The following SMAD2 variants were observed in gnomAD, a reference collection of about 807,000 sequenced individuals.
SMAD2 encodes the protein MAD homolog 2.
Under a neutral mutation model 64.4 loss-of-function variants are expected in SMAD2, and 8 were observed. The observed-to-expected ratio is 0.12, with a 90% CI of 0.07 to 0.22. The LOEUF is 0.22. SMAD2 is among the 10% of genes least tolerant of loss of function. The pLI, the probability that SMAD2 is intolerant of heterozygous loss-of-function variation, is 1.00. For missense variants in SMAD2, 289 were observed against 561.2 expected (o/e 0.51, Z 4.90); for synonymous variants, 203 against 195.8 (o/e 1.04, Z -0.31).
At chr18:47,921,192 T>C (rs1305915052) in intron 1 of SMAD2, among the ~76,000 whole-genome samples, 3 of 152,002 alleles carry the variant, frequency 2.0e-5, no homozygotes, top group Non-Finnish European at 4.4e-5. Context: ...CAAAAGAATA[T>C]TATACAACCC....
intron 8 of SMAD2, among the ~76,000 whole-genome samples, chr18:47,846,250 T>C (rs1914478491): frequency 6.6e-6 from 1 of 152,148 alleles, no homozygotes; most frequent in African/African-American, 2.4e-5. Flanking sequence ...CTATATATTA[T>C]GGTGGAAACC....
At chr18:47,900,494 C>G (rs1016702761) in intron 1 of SMAD2, among the ~76,000 whole-genome samples, 3 of 152,114 alleles carry the variant, frequency 2.0e-5, no homozygotes, top group African/African-American at 7.2e-5. Flanking sequence ...TGTTCTCTCT[C>G]CCCCTCCCCA....
chr18:47,910,598 C>G (rs2034089383), intron 1 of SMAD2, among the ~76,000 whole-genome samples: 2 of 152,174 alleles, frequency 1.3e-5, no homozygotes, highest in Non-Finnish European at 2.9e-5. Flanking sequence ...TCTGCCTCTT[C>G]TACCTGTGAG....
At chr18:47,852,206 T>C (rs969271114) in intron 6 of SMAD2, among the ~76,000 whole-genome samples, 1 of 152,176 alleles carries the variant, frequency 6.6e-6, no homozygotes, top group African/African-American at 2.4e-5. Context: ...AGTCTTCTTA[T>C]GGTATGAGCT....
chr18:47,886,528 G>A (rs904483859), intron 2 of SMAD2, among the ~76,000 whole-genome samples: 3 of 151,754 alleles, frequency 2.0e-5, no homozygotes, highest in Non-Finnish European at 2.9e-5. Context: ...CCCAAACCCC[G>A]TTGTCCTAGC....
rs1373682995 is a variant in SMAD2, at chr18:47,835,504, G to C, written c.*6323C>G. The C allele has an allele frequency of 5.1e-6, 1 of 195,690 alleles. No individual in the cohort carries two copies. The highest frequency in any genetic ancestry group is 1.1e-5 in the Non-Finnish European group (1 of 94,240). The allele number at this position is 195,690 out of a possible 1,614,324, so 12.1% of individuals were successfully genotyped here. A position where few individuals can be genotyped will look rare whatever the true frequency, so the allele number is the denominator to read the frequency against. ...AGTGGCAAACAAATGTTTTCTTAGG[G>C]ACTTACTGAGAAAAGAAAAAACTTA... On this transcript the variant is annotated 3_prime_UTR_variant, in exon 11 of 11. Coordinates refer to ENST00000262160, the MANE Select transcript of SMAD2 (RefSeq NM_005901.6).
At chr18:47,908,259 T>G (rs1233256757) in intron 1 of SMAD2, among the ~76,000 whole-genome samples, 2 of 152,118 alleles carry the variant, frequency 1.3e-5, no homozygotes, top group South Asian at 4.1e-4. Context: ...GGACAAAAAT[T>G]GAGAGCCCAA....
intron 2 of SMAD2, among the ~76,000 whole-genome samples, chr18:47,890,274 T>TA (rs1210845140): frequency 3.3e-5 from 5 of 152,246 alleles, no homozygotes; most frequent in African/African-American, 7.2e-5. Flanking sequence ...AAAAGGTCCC[T>TA]ATTCCCCATA....
At chr18:47,899,837 T>A (rs1251626146) in intron 1 of SMAD2, among the ~76,000 whole-genome samples, 4 of 152,212 alleles carry the variant, frequency 2.6e-5, no homozygotes, top group African/African-American at 7.2e-5. Flanking sequence ...ATACTGCATG[T>A]CACCCTACTA....
intron 2 of SMAD2, among the ~76,000 whole-genome samples, chr18:47,892,924 A>G (rs967143526): frequency 3.9e-5 from 6 of 152,202 alleles, no homozygotes; most frequent in Non-Finnish European, 7.4e-5. Flanking sequence ...GCCATTTTAG[A>G]CCCCATAGTC....
intron 1 of SMAD2, among the ~76,000 whole-genome samples, chr18:47,907,939 A>G (rs953598657): frequency 3.3e-5 from 5 of 152,214 alleles, no homozygotes; most frequent in Admixed American, 6.5e-5. Context: ...CTCTATCTCA[A>G]AAACACTCAC....
Position 47,833,915 on chromosome 18 carries a change from G to C in SMAD2, c.*7912C>G. On this transcript the variant is annotated 3_prime_UTR_variant, in exon 11 of 11. Coordinates refer to ENST00000262160, the MANE Select transcript of SMAD2 (RefSeq NM_005901.6). ...AGATTAAGTTTAACCCCATAAGGAC[G>C]CATGATTTGTACTTACATATACACA... 4.4e-6 allele frequency: 1 copy of C among 225,150 alleles called. No individual in the cohort carries two copies. Among genetic ancestry groups the C allele is most frequent in the African/African-American group, 2.2e-5 (1 of 44,730 alleles). The allele number at this position is 225,150 out of a possible 1,614,324, so 13.9% of individuals were successfully genotyped here.
rs1787180 is a variant in SMAD2, at chr18:47,825,272, G to C, written c.*16555C>G. The stretch of plus-strand genomic sequence containing the variant: ...CTCCCAAACTGTCCCTCAAATGTAT[G>C]ATGAGATTTTATCTTCATTGTGGTG... On this transcript the variant is annotated 3_prime_UTR_variant, in exon 11 of 11. Transcript: ENST00000262160. 88,698 of 151,996 alleles carry C rather than the reference G, an allele frequency of 0.58. 26,247 individuals carry two copies. Among genetic ancestry groups the C allele is most frequent in the East Asian group, 0.83 (4,279 of 5,168 alleles). The allele number at this position is 151,996 out of a possible 1,614,324, so 9.4% of individuals were successfully genotyped here.
At chr18:47,867,734 C>T (rs897038375) in intron 5 of SMAD2, among the ~76,000 whole-genome samples, 1 of 150,224 alleles carries the variant, frequency 6.7e-6, no homozygotes, top group Non-Finnish European at 1.5e-5. Flanking sequence ...TCACATAATA[C>T]ATCAGAACAA....
chr18:47,866,316 CAAAA>C (rs34302955), intron 5 of SMAD2, among the ~76,000 whole-genome samples: 5 of 42,096 alleles, frequency 1.2e-4, no homozygotes, highest in Middle Eastern at 0.029. Flanking sequence ...AACACCGTCT[CAAAA>C]AAAAAAAAAA....
rs79888759 is a variant in SMAD2, at chr18:47,841,932, A to T, written c.1299T>A (p.Ser433Arg). The T allele has an allele frequency of 6.2e-7, 1 of 1,614,160 alleles. No individual in the cohort carries two copies. Among genetic ancestry groups the T allele is most frequent in the Non-Finnish European group, 8.5e-7 (1 of 1,179,990 alleles). The change falls in exon 11 of 11, where the codon AGT (serine) becomes AGA (arginine). Residue 433 changes from serine to arginine, a missense_variant. By Grantham distance (110) the Ser-to-Arg change is moderately radical. This residue lies in a region of SMAD2 where 20 missense variants were observed against 82.8 expected (regional missense o/e 0.24). Coordinates refer to ENST00000262160, the MANE Select transcript of SMAD2 (RefSeq NM_005901.6). ...GATGAAGTTCAATCCAGCAAGGAGTACTTGTTACCGTCTGCCTTCTGTTTA... is the reference window on the plus strand; with the variant it reads ...GATGAAGTTCAATCCAGCAAGGAGTTCTTGTTACCGTCTGCCTTCTGTTTA... ...GAEYRRQTVT[S>R]TPCWIELHLN...
At position 47,819,355 on chromosome 18, in the gene SMAD2, C is replaced by CT. The variant is rs1220357204; in HGVS notation, c.*22471dup. 2.0e-5 allele frequency: 3 copies of CT among 152,198 alleles called. No individual in the cohort carries two copies. The highest frequency in any genetic ancestry group is 4.4e-5 in the Non-Finnish European group (3 of 68,046). The allele number at this position is 152,198 out of a possible 1,614,324, so 9.4% of individuals were successfully genotyped here. ...GTATTATTGACTTCAGCTGTGTCCT[C>CT]TGAGTTACTGGCAAAATACCTACAT... is the stretch of plus-strand genomic sequence containing the variant. On this transcript the variant is annotated 3_prime_UTR_variant, in exon 11 of 11. Coordinates refer to ENST00000262160, the MANE Select transcript of SMAD2 (RefSeq NM_005901.6).
intron 1 of SMAD2, among the ~76,000 whole-genome samples, chr18:47,898,042 G>A (rs2033517433): frequency 6.6e-6 from 1 of 152,146 alleles, no homozygotes; most frequent in Non-Finnish European, 1.5e-5. Flanking sequence ...ATTTTCATTA[G>A]TTTGTTCCTT....
intron 2 of SMAD2, among the ~76,000 whole-genome samples, chr18:47,884,525 T>C (rs1249879691): frequency 2.0e-5 from 3 of 152,188 alleles, no homozygotes; most frequent in Non-Finnish European, 2.9e-5. Flanking sequence ...ACAATAAAAC[T>C]GGTATAATAT....
Sources: allele counts gnomAD v4.1 joint callset (sites outside exome capture counted in the v4.1 genomes callset), GRCh38; gene constraint gnomAD v4.1.1; regional missense constraint gnomAD v4.1.1; transcripts MANE v1.5; gene names NCBI Gene and HGNC (gene_info 2026-07-23, HGNC 2026-07-21).